Variants in PAX2 observed in about 807,000 individuals in gnomAD.
PAX2 encodes paired box 2.
In PAX2, 9 loss-of-function variants were observed where a neutral mutation model predicts 41.7. The ratio of observed to expected loss-of-function variants is 0.22; its 90% CI spans 0.13 to 0.38. The LOEUF (loss-of-function observed/expected upper bound fraction) is 0.38. Among genes scored for constraint, PAX2 ranks in the 10% least tolerant of loss-of-function variants. The pLI is 1.00. For synonymous variants in PAX2, 221 were observed against 212.7 expected, an observed-to-expected ratio of 1.04 and a Z score of -0.34; for missense variants, 418 against 531.6, an observed-to-expected ratio of 0.79 and a Z score of 2.10.
At chr10:100,771,825 T>C (rs973567379) in intron 3 of PAX2, among the ~76,000 whole-genome samples, 1 of 151,438 alleles carries the variant, frequency 6.6e-6, no homozygotes, top group African/African-American at 2.4e-5. Flanking sequence ...TTTTTTTTTC[T>C]AAGACACAGT....
chr10:100,821,266 T>A (rs1387742815), intron 7 of PAX2, among the ~76,000 whole-genome samples: 1 of 152,240 alleles, frequency 6.6e-6, no homozygotes, highest in Non-Finnish European at 1.5e-5. Flanking sequence ...GTGTCACCTG[T>A]GTGCTAATGA....
At chr10:100,805,640 C>A (rs1328892698) in intron 5 of PAX2, among the ~76,000 whole-genome samples, 1 of 152,204 alleles carries the variant, frequency 6.6e-6, no homozygotes, top group Non-Finnish European at 1.5e-5. Flanking sequence ...TAAGACTCTG[C>A]TCCCTCTGGA....
intron 7 of PAX2, among the ~76,000 whole-genome samples, chr10:100,820,546 C>T (rs1441404532): frequency 6.6e-6 from 1 of 152,276 alleles, no homozygotes; most frequent in East Asian, 1.9e-4. Flanking sequence ...TGGTGAAACC[C>T]TGTCTCTACT....
intron 5 of PAX2, among the ~76,000 whole-genome samples, chr10:100,799,506 G>A (rs1291643350): frequency 6.6e-6 from 1 of 152,158 alleles, no homozygotes; most frequent in Non-Finnish European, 1.5e-5. Context: ...AATGATGATG[G>A]GTCCTTGACA....
intron 6 of PAX2, among the ~76,000 whole-genome samples, chr10:100,807,701 CAG>C (rs1847844009): frequency 6.6e-6 from 1 of 152,220 alleles, no homozygotes; most frequent in African/African-American, 2.4e-5. Context: ...CGCTCCCACA[CAG>C]GGGCACACTC....
intron 3 of PAX2, among the ~76,000 whole-genome samples, chr10:100,755,320 T>C (rs977005897): frequency 7.9e-5 from 12 of 152,196 alleles, no homozygotes; most frequent in African/African-American, 2.9e-4. Context: ...GTGAGAGCAA[T>C]TGCTGCTTGC....
At chr10:100,775,178 C>T (rs964206848) in intron 3 of PAX2, among the ~76,000 whole-genome samples, 1 of 152,096 alleles carries the variant, frequency 6.6e-6, no homozygotes, top group Non-Finnish European at 1.5e-5. Flanking sequence ...TGCCTGGGGC[C>T]GTGGAGGTTT....
chr10:100,816,709 T>C (rs1001199075), intron 7 of PAX2, among the ~76,000 whole-genome samples: 1 of 152,154 alleles, frequency 6.6e-6, no homozygotes, highest in African/African-American at 2.4e-5. Context: ...AAGCTAGTGC[T>C]TTTGCAACCC....
intron 4 of PAX2, among the ~76,000 whole-genome samples, chr10:100,780,602 C>T (rs746182931): frequency 5.9e-5 from 9 of 152,202 alleles, no homozygotes; most frequent in Non-Finnish European, 1.0e-4. Flanking sequence ...GTTCACTAAT[C>T]TTGCCCTAAG....
At chr10:100,805,104 T>C (rs1847728875) in intron 5 of PAX2, among the ~76,000 whole-genome samples, 1 of 147,576 alleles carries the variant, frequency 6.8e-6, no homozygotes, top group Non-Finnish European at 1.5e-5. Flanking sequence ...CCCTCCAGAA[T>C]AGATATGGAG....
intron 5 of PAX2, among the ~76,000 whole-genome samples, chr10:100,783,659 C>T (rs1164814174): frequency 1.5e-4 from 18 of 118,446 alleles, no homozygotes; most frequent in South Asian, 2.9e-4. Context: ...GGAGTTTGGG[C>T]TTTTTTTTTT....
chr10:100,778,417 C>T (rs187395424), intron 3 of PAX2, among the ~76,000 whole-genome samples: 1 of 152,318 alleles, frequency 6.6e-6, no homozygotes, highest in East Asian at 1.9e-4. Flanking sequence ...TCTCCCCTCC[C>T]CACCTTCATA....
chr10:100,745,373 C>T (rs1021370651), upstream of PAX2, among the ~76,000 whole-genome samples: 1 of 151,242 alleles, frequency 6.6e-6, no homozygotes, highest in Non-Finnish European at 1.5e-5. Flanking sequence ...CCATTTCTCC[C>T]TCCCCTGCCC....
At chr10:100,817,039 A>T (rs1035483171) in intron 7 of PAX2, among the ~76,000 whole-genome samples, 1 of 152,020 alleles carries the variant, frequency 6.6e-6, no homozygotes, top group African/African-American at 2.4e-5. Flanking sequence ...GTATCAGAAG[A>T]CTCTGCAAAC....
At chr10:100,769,693 A>G (rs980731521) in intron 3 of PAX2, among the ~76,000 whole-genome samples, 2 of 151,182 alleles carry the variant, frequency 1.3e-5, no homozygotes, top group African/African-American at 4.8e-5. Flanking sequence ...ACAAAAAACA[A>G]GAGTATATTA....
chr10:100,781,384 G>T lies in PAX2; in HGVS notation c.616+19G>T. 6.2e-7 allele frequency: 1 copy of T among 1,613,382 alleles called. No homozygotes were observed. The highest frequency in any genetic ancestry group is 1.1e-5 in the South Asian group (1 of 91,074). The stretch of plus-strand genomic sequence containing the variant: ...GATGAAGGTAGGGAGGAGGGAAGAG[G>T]TGTGGCTTCCCCTTCACATGCTTTG... On this transcript the variant is annotated intron_variant, in intron 5 of 9. Coordinates refer to ENST00000355243, the MANE Select transcript of PAX2 (RefSeq NM_000278.5).
chr10:100,749,870 G>A lies in PAX2; in HGVS notation c.168G>A (p.Arg56=), dbSNP rs1289066365. 1.2e-6 allele frequency: 2 copies of A among 1,612,330 alleles called. No homozygotes were observed. The highest frequency in any genetic ancestry group is 1.1e-5 in the South Asian group (1 of 90,944). Residue 56 remains arginine, a synonymous_variant, in exon 2 of 10, where the codon CGG becomes CGA. Coordinates refer to ENST00000355243, the MANE Select transcript of PAX2 (RefSeq NM_000278.5). ...GTGTGCGGCCCTGTGACATCTCCCG[G>A]CAGCTGCGGGTCAGCCACGGCTGTG... ...HQGVRPCDIS[R]QLRVSHGCVS...
At chr10:100,755,787 C>T (rs903470124) in intron 3 of PAX2, among the ~76,000 whole-genome samples, 1 of 152,090 alleles carries the variant, frequency 6.6e-6, no homozygotes, top group African/African-American at 2.4e-5. Context: ...GACAACACAA[C>T]AGTTCAATAG....
intron 3 of PAX2, among the ~76,000 whole-genome samples, chr10:100,763,540 C>T (rs574898212): frequency 2.1e-4 from 32 of 152,288 alleles, no homozygotes; most frequent in Middle Eastern, 3.4e-3. Flanking sequence ...AGTATTGGAA[C>T]GAGCACAGCT....
Sources: allele counts gnomAD v4.1 joint callset (sites outside exome capture counted in the v4.1 genomes callset), GRCh38; gene constraint gnomAD v4.1.1; transcripts MANE v1.5; gene names NCBI Gene and HGNC (gene_info 2026-07-23, HGNC 2026-07-21).